The following RAB27A variants were observed in gnomAD, a reference collection of about 807,000 sequenced individuals.
RAB27A encodes the protein RAB27A, member RAS oncogene family.
In RAB27A, 17 loss-of-function variants were observed where a neutral mutation model predicts 20.8. That is an observed-to-expected ratio of 0.82 (90% CI 0.56 to 1.23). The LOEUF (loss-of-function observed/expected upper bound fraction) is 1.23. Among genes scored for constraint, RAB27A ranks in the 50% most tolerant of loss-of-function variants. The pLI, the probability that RAB27A is intolerant of heterozygous loss-of-function variation, is 0.00. For missense variants in RAB27A, 277 were observed against 266.7 expected (o/e 1.04, Z -0.27); for synonymous variants, 85 against 92.8 (o/e 0.92, Z 0.48).
At chr15:55,209,092 T>C (rs1894793609) in intron 6 of RAB27A, among the ~76,000 whole-genome samples, 2 of 152,216 alleles carry the variant, frequency 1.3e-5, no homozygotes, top group Non-Finnish European at 2.9e-5. Context: ...AAGATAAGTA[T>C]ACTTGGGATT....
chr15:55,263,453 T>C (rs1416599680), intron 2 of RAB27A, among the ~76,000 whole-genome samples: 1 of 152,210 alleles, frequency 6.6e-6, no homozygotes, highest in Non-Finnish European at 1.5e-5. Flanking sequence ...GAAATGGTGT[T>C]TCACCCTCTA....
At chr15:55,215,429 G>A (rs548528603) in intron 6 of RAB27A, among the ~76,000 whole-genome samples, 2 of 151,962 alleles carry the variant, frequency 1.3e-5, no homozygotes, top group African/African-American at 4.8e-5. Flanking sequence ...GAGGAGGGCG[G>A]ATCACGAGGT....
chr15:55,252,304 T>C (rs1404361024), intron 2 of RAB27A, among the ~76,000 whole-genome samples: 2 of 152,104 alleles, frequency 1.3e-5, no homozygotes, highest in African/African-American at 4.8e-5. Context: ...AATTTACCAC[T>C]ATATTATTCA....
At chr15:55,262,543 A>G (rs1897311198) in intron 2 of RAB27A, among the ~76,000 whole-genome samples, 1 of 71,162 alleles carries the variant, frequency 1.4e-5, no homozygotes, top group Non-Finnish European at 3.0e-5. Context: ...CTCTGACTCA[A>G]AGAAAAAAAA....
chr15:55,234,344 A>G (rs1046059263), intron 3 of RAB27A, among the ~76,000 whole-genome samples: 7 of 152,218 alleles, frequency 4.6e-5, no homozygotes, highest in African/African-American at 1.7e-4. Flanking sequence ...GGCAGCAGTG[A>G]TAAGTTCTGC....
chr15:55,307,015 G>T (rs1246030373), intron 2 of RAB27A, among the ~76,000 whole-genome samples: 1 of 152,046 alleles, frequency 6.6e-6, no homozygotes, highest in East Asian at 1.9e-4. Context: ...TCCAGGGTTT[G>T]ATTCGAGTGT....
chr15:55,236,007 G>A (rs140640830), intron 2 of RAB27A, among the ~76,000 whole-genome samples: 5 of 151,956 alleles, frequency 3.3e-5, no homozygotes, highest in Admixed American at 1.3e-4. Flanking sequence ...TTGGGGACTC[G>A]GGTGGAAAGG....
chr15:55,318,722 AAAC>A (rs1006151156), intron 1 of RAB27A: 10 of 104,886 alleles, frequency 9.5e-5, no homozygotes, highest in Non-Finnish European at 1.4e-4. Flanking sequence ...ACAAAAACAA[AAAC>A]AAAAAAAAAA....
intron 6 of RAB27A, among the ~76,000 whole-genome samples, chr15:55,216,404 G>A (rs752753281): frequency 6.6e-6 from 1 of 151,924 alleles, no homozygotes; most frequent in Admixed American, 6.6e-5. Flanking sequence ...ATGGTGGCAC[G>A]TGCCTGTAGT....
At position 55,248,957 on chromosome 15, in the gene RAB27A, G is replaced by T. The variant is rs1278610681; in HGVS notation, c.-22-14001C>A. On this transcript the variant is annotated intron_variant, in intron 2 of 6. Coordinates refer to ENST00000336787, the MANE Select transcript of RAB27A (RefSeq NM_183235.3). ...CAAAAAAAAAGGAAACTCACCTAATGGACAAGGTCAAATCAGATATATTTC... is the reference window on the plus strand; with the variant it reads ...CAAAAAAAAAGGAAACTCACCTAATTGACAAGGTCAAATCAGATATATTTC... 4.6e-5 allele frequency: 7 copies of T among 152,218 alleles called. No homozygotes were observed. The East Asian group carries it at 9.6e-4, about 21-fold the overall frequency. 9.4% of individuals were successfully genotyped at this position (152,218 alleles called of 1,614,324 possible).
At chr15:55,297,693 G>C (rs1343039113) in intron 2 of RAB27A, among the ~76,000 whole-genome samples, 1 of 152,170 alleles carries the variant, frequency 6.6e-6, no homozygotes, top group Non-Finnish European at 1.5e-5. Flanking sequence ...TCCCCACCCA[G>C]GGCCCTGCAT....
chr15:55,212,003 G>A (rs1895051513), intron 6 of RAB27A, among the ~76,000 whole-genome samples: 1 of 143,984 alleles, frequency 6.9e-6, no homozygotes, highest in Admixed American at 7.0e-5. Flanking sequence ...TTTTGCTTCA[G>A]GGATTTCTTG....
chr15:55,290,615 T>C (rs1898283925), upstream of RAB27A, among the ~76,000 whole-genome samples: 1 of 152,186 alleles, frequency 6.6e-6, no homozygotes, highest in African/African-American at 2.4e-5. Context: ...CTGCGCGCCT[T>C]TGCTGCCACC....
intron 6 of RAB27A, among the ~76,000 whole-genome samples, chr15:55,222,452 C>G (rs979727109): frequency 6.6e-6 from 1 of 152,168 alleles, no homozygotes; most frequent in African/African-American, 2.4e-5. Flanking sequence ...TCTTTCCTCC[C>G]TCCCCACCTA....
At chr15:55,253,772 A>G (rs1896982570) in intron 2 of RAB27A, among the ~76,000 whole-genome samples, 1 of 152,152 alleles carries the variant, frequency 6.6e-6, no homozygotes, top group African/African-American at 2.4e-5. Flanking sequence ...ATAAACCTCA[A>G]TACAGATTTA....
rs1025388746 is a variant in RAB27A, at chr15:55,203,114, A to G, written c.*2393T>C. The G allele has an allele frequency of 6.6e-6, 1 of 152,182 alleles. No individual in the cohort carries two copies. Among genetic ancestry groups the G allele is most frequent in the Non-Finnish European group, 1.5e-5 (1 of 68,024 alleles). The allele number at this position is 152,182 out of a possible 1,614,324, so 9.4% of individuals were successfully genotyped here. A position where few individuals can be genotyped will look rare whatever the true frequency, so the allele number is the denominator to read the frequency against. ...TCAATACCAAACTTAAATGATTTCC[A>G]AAAAGAATACAGGTTATTTCAATAA... is the stretch of plus-strand genomic sequence containing the variant. On this transcript the variant is annotated 3_prime_UTR_variant, in exon 7 of 7. Coordinates refer to ENST00000336787, the MANE Select transcript of RAB27A (RefSeq NM_183235.3).
At chr15:55,249,102 TTA>T (rs1393254848) in intron 2 of RAB27A, 1 of 152,248 alleles carries the variant, frequency 6.6e-6, no homozygotes, top group Non-Finnish European at 1.5e-5. Context: ...TTGCGTTTGC[TTA>T]TGCAAAATGA....
At chr15:55,221,885 A>G (rs1895588731) in intron 6 of RAB27A, among the ~76,000 whole-genome samples, 1 of 152,136 alleles carries the variant, frequency 6.6e-6, no homozygotes, top group African/African-American at 2.4e-5. Flanking sequence ...AGGCAACAGG[A>G]AGTGACATGG....
chr15:55,279,926 C>T (rs1897970629), intron 1 of RAB27A, among the ~76,000 whole-genome samples: 3 of 152,086 alleles, frequency 2.0e-5, no homozygotes, highest in Admixed American at 6.5e-5. Context: ...TCTCAAGCTT[C>T]GGGGTGCATC....
Sources: gnomAD v4.1 joint callset for allele counts (sites outside exome capture counted in the v4.1 genomes callset) on GRCh38, gnomAD v4.1.1 for gene constraint, MANE v1.5 for transcripts, NCBI Gene and HGNC (gene_info 2026-07-23, HGNC 2026-07-21) for gene names.